The following VMP1 variants were observed in gnomAD, a reference collection of about 807,000 sequenced individuals.
The protein encoded by VMP1 is ectopic P-granules autophagy protein 3 homolog.
VMP1 carries 11 observed loss-of-function variants against 56.0 expected under a neutral mutation model. The observed-to-expected ratio is 0.20, with a 90% CI of 0.12 to 0.32. The LOEUF (loss-of-function observed/expected upper bound fraction) is 0.32. Among genes scored for constraint, VMP1 ranks in the 10% least tolerant of loss-of-function variants. The pLI, the probability that VMP1 is intolerant of heterozygous loss-of-function variation, is 1.00. For missense variants in VMP1, 296 were observed against 490.3 expected, an observed-to-expected ratio of 0.60 and a Z score of 3.74; for synonymous variants, 149 against 165.0, an observed-to-expected ratio of 0.90 and a Z score of 0.74.
chr17:59,789,674 T>A (rs1021318603), intron 7 of VMP1, among the ~76,000 whole-genome samples: 3 of 151,884 alleles, frequency 2.0e-5, no homozygotes, highest in African/African-American at 7.3e-5. Context: ...TACATCAGAG[T>A]TTAATGGAAG....
chr17:59,743,174 C>T (rs1308805003), intron 5 of VMP1, among the ~76,000 whole-genome samples: 1 of 152,108 alleles, frequency 6.6e-6, no homozygotes, highest in Non-Finnish European at 1.5e-5. Context: ...TTGACAAATG[C>T]ATAATGTCAT....
chr17:59,773,658 A>T (rs1189490302), intron 6 of VMP1, 96 bp from the exon 7 acceptor site: 1 of 1,233,918 alleles, frequency 8.1e-7, no homozygotes, highest in Non-Finnish European at 1.1e-6. Context: ...TGCATCTCAA[A>T]ATGCTTCTGG....
At chr17:59,832,025 G>C (rs970657677) in intron 10 of VMP1, among the ~76,000 whole-genome samples, 3 of 151,712 alleles carry the variant, frequency 2.0e-5, no homozygotes, top group Non-Finnish European at 4.4e-5. Flanking sequence ...TGGGACTACA[G>C]GCATGCGCCA....
intron 7 of VMP1, among the ~76,000 whole-genome samples, chr17:59,784,142 T>TGTGTGTGTGTGTGTGA (rs556387089): frequency 6.1e-5 from 8 of 130,462 alleles, no homozygotes; most frequent in South Asian, 2.7e-4. Context: ...TGTGTGTGTG[T>TGTGTGTGTGTGTGTGA]GAGAGAGAGA....
At chr17:59,776,770 T>C (rs2144049820) in intron 7 of VMP1, among the ~76,000 whole-genome samples, 1 of 152,310 alleles carries the variant, frequency 6.6e-6, no homozygotes, top group South Asian at 2.1e-4. Flanking sequence ...TCTAAAATTC[T>C]TTTTTTATCT....
rs1308655481 is a variant in VMP1 at position 59,735,502 on chromosome 17, C to T, written c.212+29C>T. On this transcript the variant is annotated intron_variant, in intron 3 of 11. Coordinates refer to ENST00000262291, the MANE Select transcript of VMP1 (RefSeq NM_030938.5). ...AAGAGTCTTCTCCCACTACCTTTTA[C>T]ATACACCTCATTTACTCATTTAAAA... 3 of 1,611,266 alleles carry T rather than the reference C, an allele frequency of 1.9e-6. No individual in the cohort carries two copies. The South Asian group carries it at 3.3e-5, about 18-fold the overall frequency.
chr17:59,789,835 CTTTTTTTT>C (rs754631557), intron 7 of VMP1, among the ~76,000 whole-genome samples: 4 of 85,964 alleles, frequency 4.7e-5, no homozygotes, highest in African/African-American at 9.7e-5. Context: ...CTTTCTTTCC[CTTTTTTTT>C]TTTTTTTTTT....
At chr17:59,808,982 G>A (rs2037944961) in intron 8 of VMP1, 106 bp downstream of exon 8, 1 of 842,568 alleles carries the variant, frequency 1.2e-6, no homozygotes, top group Non-Finnish European at 1.8e-6. Flanking sequence ...TATTGGGTAT[G>A]TAATTTTGTG....
intron 5 of VMP1, among the ~76,000 whole-genome samples, chr17:59,744,642 A>G (rs1036204047): frequency 1.1e-4 from 17 of 151,314 alleles, no homozygotes; most frequent in South Asian, 4.2e-4. Flanking sequence ...AAAAAAAAAA[A>G]AGAGAGAGAC....
chr17:59,747,844 A>C (rs1255810911), intron 5 of VMP1, among the ~76,000 whole-genome samples: 1 of 151,754 alleles, frequency 6.6e-6, no homozygotes, highest in African/African-American at 2.4e-5. Context: ...GCAGTGAGCT[A>C]TGATTGTCCC....
intron 6 of VMP1, among the ~76,000 whole-genome samples, chr17:59,769,158 T>C (rs952918522): frequency 6.7e-6 from 1 of 150,252 alleles, no homozygotes; most frequent in African/African-American, 2.4e-5. Context: ...TGAAAACTTT[T>C]TTTTTTTTTT....
intron 1 of VMP1, among the ~76,000 whole-genome samples, chr17:59,713,871 T>C (rs2034037957): frequency 6.6e-6 from 1 of 151,050 alleles, no homozygotes; most frequent in South Asian, 2.1e-4. Context: ...TGAGACCCCA[T>C]CTCTACTAAA....
chr17:59,758,681 T>A (rs2035935034), intron 5 of VMP1, among the ~76,000 whole-genome samples: 1 of 151,372 alleles, frequency 6.6e-6, no homozygotes, highest in South Asian at 2.1e-4. Flanking sequence ...AAAAAAATTA[T>A]CTGGGCCAGG....
intron 7 of VMP1, among the ~76,000 whole-genome samples, chr17:59,806,583 C>T (rs900914381): frequency 2.0e-5 from 3 of 151,704 alleles, no homozygotes; most frequent in Non-Finnish European, 4.4e-5. Context: ...GGCATGATGG[C>T]GGGCGCCTGT....
intron 3 of VMP1, 84 bp from the exon 4 acceptor site, chr17:59,737,369 C>T (rs1310985873): frequency 7.2e-7 from 1 of 1,392,674 alleles, no homozygotes; most frequent in African/African-American, 1.4e-5. Flanking sequence ...GGTAACCTAA[C>T]TGTTTCAGCA....
intron 7 of VMP1, among the ~76,000 whole-genome samples, chr17:59,807,190 T>G (rs887030046): frequency 4.7e-5 from 7 of 150,410 alleles, no homozygotes; most frequent in African/African-American, 1.2e-4. Flanking sequence ...GCTTCTTTTT[T>G]GTTTTTTTGT....
chr17:59,734,702 C>T (rs952147201), intron 2 of VMP1, among the ~76,000 whole-genome samples: 1 of 152,036 alleles, frequency 6.6e-6, no homozygotes, highest in African/African-American at 2.4e-5. Context: ...CACTGCATTC[C>T]AGCTTGGGCA....
intron 5 of VMP1, among the ~76,000 whole-genome samples, chr17:59,750,283 A>C (rs541687753): frequency 2.1e-4 from 31 of 151,166 alleles, no homozygotes; most frequent in Non-Finnish European, 1.5e-4. Flanking sequence ...ATTTAGACAA[A>C]AAATAGGCAC....
intron 10 of VMP1, among the ~76,000 whole-genome samples, chr17:59,824,612 C>A (rs560091724): frequency 6.9e-5 from 10 of 144,298 alleles, no homozygotes; most frequent in Middle Eastern, 4.0e-3. Context: ...GTGGCCCACG[C>A]CTGTAATCCC....
Sources: gnomAD v4.1 joint callset for allele counts (sites outside exome capture counted in the v4.1 genomes callset) on GRCh38, gnomAD v4.1.1 for gene constraint, MANE v1.5 for transcripts, NCBI Gene and HGNC (gene_info 2026-07-23, HGNC 2026-07-21) for gene names.